CNTNAP2: variants seen among roughly 807,000 people sequenced by gnomAD.
CNTNAP2 encodes the protein contactin associated protein 2.
CNTNAP2 carries 98 observed loss-of-function variants against 155.2 expected under a neutral mutation model. The observed-to-expected ratio is 0.63, with a 90% CI of 0.54 to 0.75. CNTNAP2 has a LOEUF of 0.75. Among genes scored for constraint, CNTNAP2 ranks in the 30% least tolerant of loss-of-function variants. The probability of loss-of-function intolerance (pLI) is 0.00; values close to 1 mark genes in which losing one functional copy is unlikely to be tolerated. For missense variants in CNTNAP2, 1,727 were observed against 1,688.1 expected (o/e 1.02, Z -0.40); for synonymous variants, 651 against 631.2 (o/e 1.03, Z -0.47).
intron 1 of CNTNAP2, among the ~76,000 whole-genome samples, chr7:146,629,348 C>T (rs1448815801): frequency 6.6e-6 from 1 of 152,018 alleles, no homozygotes; most frequent in Admixed American, 6.6e-5. Flanking sequence ...AATAATAACC[C>T]TTCTAAAACT....
intron 14 of CNTNAP2, among the ~76,000 whole-genome samples, chr7:147,957,018 G>A (rs559095630): frequency 2.0e-5 from 3 of 152,202 alleles, no homozygotes; most frequent in East Asian, 1.9e-4. Context: ...GCTTAGATGC[G>A]GTAAAATAAC....
chr7:147,866,395 G>T (rs1647480241), intron 13 of CNTNAP2, among the ~76,000 whole-genome samples: 1 of 152,164 alleles, frequency 6.6e-6, no homozygotes, highest in African/African-American at 2.4e-5. Flanking sequence ...TGTGTATTCT[G>T]TTGATTTGGG....
intron 1 of CNTNAP2, among the ~76,000 whole-genome samples, chr7:146,247,841 T>C (rs564083848): frequency 9.9e-5 from 15 of 151,984 alleles, no homozygotes; most frequent in African/African-American, 3.4e-4. Context: ...TGGTTGCCCA[T>C]AGTGAAGGAG....
At chr7:148,098,870 T>C (rs1270864007) in intron 15 of CNTNAP2, among the ~76,000 whole-genome samples, 1 of 152,082 alleles carries the variant, frequency 6.6e-6, no homozygotes, top group Non-Finnish European at 1.5e-5. Context: ...AGCTGAACTT[T>C]GAAGAGAAGG....
chr7:146,411,151 G>C (rs1015303675), intron 1 of CNTNAP2, among the ~76,000 whole-genome samples: 21 of 135,648 alleles, frequency 1.5e-4, no homozygotes, highest in African/African-American at 6.0e-4. Context: ...ACTGTGAATA[G>C]AGTAGATTTT....
intron 6 of CNTNAP2, among the ~76,000 whole-genome samples, chr7:147,126,113 C>A (rs965528003): frequency 6.6e-6 from 1 of 152,160 alleles, no homozygotes; most frequent in Non-Finnish European, 1.5e-5. Context: ...TATCATGAGA[C>A]CAAAACTGGC....
chr7:146,980,971 G>A (rs76987431), intron 3 of CNTNAP2, among the ~76,000 whole-genome samples: 2,948 of 152,220 alleles, frequency 0.019, 41 homozygotes, highest in Middle Eastern at 0.037. Context: ...CCTTAGCCTA[G>A]AAATTATACA....
At chr7:147,415,730 A>G (rs116365779) in intron 10 of CNTNAP2, among the ~76,000 whole-genome samples, 2,455 of 152,146 alleles carry the variant, frequency 0.016, 66 homozygotes, top group African/African-American at 0.055. Flanking sequence ...AATGATTAGG[A>G]AAAAAAATGT....
chr7:146,595,960 A>G lies in CNTNAP2; in HGVS notation c.98-178311A>G, dbSNP rs1161962685. 3.4e-4 allele frequency among the ~76,000 whole-genome samples: 52 copies of G among 152,160 alleles called. 1 individual carries two copies. Among genetic ancestry groups the G allele is most frequent in the Admixed American group, 3.2e-3 (49 of 15,250 alleles). On this transcript the variant is annotated intron_variant, in intron 1 of 23. Coordinates refer to ENST00000361727, the MANE Select transcript of CNTNAP2 (RefSeq NM_014141.6). ...GGCCTTTATATAAAGCAAATTTACT[A>G]TCACTGATACATGAAAGAAAATCAT...
intron 10 of CNTNAP2, among the ~76,000 whole-genome samples, chr7:147,485,509 G>T (rs1477885209): frequency 6.6e-6 from 1 of 152,116 alleles, no homozygotes; most frequent in Non-Finnish European, 1.5e-5. Flanking sequence ...AACTCAAATT[G>T]CTATGAAAAA....
At chr7:148,046,989 G>T (rs959942244) in intron 15 of CNTNAP2, among the ~76,000 whole-genome samples, 3 of 152,188 alleles carry the variant, frequency 2.0e-5, no homozygotes, top group Admixed American at 6.5e-5. Context: ...TAGAATAGCT[G>T]TTAACCATGG....
chr7:146,825,045 C>T (rs56270111), intron 2 of CNTNAP2, among the ~76,000 whole-genome samples: 1 of 151,934 alleles, frequency 6.6e-6, no homozygotes, highest in Non-Finnish European at 1.5e-5. Flanking sequence ...GCACTGAAAG[C>T]AACTATATTT....
At chr7:147,125,454 A>G (rs1297818316) in intron 6 of CNTNAP2, among the ~76,000 whole-genome samples, 2 of 152,178 alleles carry the variant, frequency 1.3e-5, no homozygotes, top group African/African-American at 4.8e-5. Context: ...GTGTGGTGAT[A>G]TATACGTGCA....
intron 9 of CNTNAP2, among the ~76,000 whole-genome samples, chr7:147,304,458 T>C (rs1265613836): frequency 6.6e-6 from 1 of 152,226 alleles, no homozygotes; most frequent in Non-Finnish European, 1.5e-5. Context: ...GACAGCAGTA[T>C]GATTTTTAAA....
intron 1 of CNTNAP2, among the ~76,000 whole-genome samples, chr7:146,473,049 T>A (rs1796823038): frequency 6.6e-6 from 1 of 151,780 alleles, no homozygotes; most frequent in South Asian, 2.1e-4. Flanking sequence ...TAGATCTATA[T>A]TTGGCCTGAA....
chr7:146,490,433 G>T (rs961678324), intron 1 of CNTNAP2, among the ~76,000 whole-genome samples: 4 of 152,140 alleles, frequency 2.6e-5, no homozygotes, highest in Non-Finnish European at 4.4e-5. Flanking sequence ...GAAACACAAA[G>T]TGTAAAGACT....
intron 13 of CNTNAP2, among the ~76,000 whole-genome samples, chr7:147,841,209 T>G (rs1303993281): frequency 2.0e-5 from 3 of 152,224 alleles, no homozygotes; most frequent in Non-Finnish European, 4.4e-5. Flanking sequence ...ATTTCTTTGC[T>G]TTATTTTCTG....
At chr7:146,727,616 A>G (rs924802457) in intron 1 of CNTNAP2, among the ~76,000 whole-genome samples, 1 of 152,150 alleles carries the variant, frequency 6.6e-6, no homozygotes. Flanking sequence ...GGCAATTTTC[A>G]CTGTCAGGCT....
intron 3 of CNTNAP2, among the ~76,000 whole-genome samples, chr7:146,956,501 G>T (rs1797440520): frequency 6.6e-6 from 1 of 152,144 alleles, no homozygotes; most frequent in African/African-American, 2.4e-5. Context: ...TTACAGCCAA[G>T]TGTACATTGC....
Sources: allele counts gnomAD v4.1 joint callset (sites outside exome capture counted in the v4.1 genomes callset), GRCh38; gene constraint gnomAD v4.1.1; transcripts MANE v1.5; gene names NCBI Gene and HGNC (gene_info 2026-07-23, HGNC 2026-07-21).